The following PCDH9 variants were observed in gnomAD, a reference collection of about 807,000 sequenced individuals.
PCDH9 encodes the protein protocadherin-9.
A neutral mutation model predicts 70.6 loss-of-function variants in PCDH9; 24 were observed. The observed-to-expected ratio is 0.34, with a 90% confidence interval of 0.25 to 0.48. PCDH9 has a LOEUF of 0.48. Among genes scored for constraint, PCDH9 ranks in the 20% least tolerant of loss-of-function variants. The pLI, the probability that PCDH9 is intolerant of heterozygous loss-of-function variation, is 0.99. For missense variants in PCDH9, 1,281 were observed against 1,503.6 expected (o/e 0.85, Z 2.45); for synonymous variants, 562 against 558.5 (o/e 1.01, Z -0.09).
At chr13:66,812,104 T>C (rs1317574391) in intron 3 of PCDH9, among the ~76,000 whole-genome samples, 1 of 151,832 alleles carries the variant, frequency 6.6e-6, no homozygotes, top group Admixed American at 6.6e-5. Flanking sequence ...CCAAAGTCCA[T>C]TGTATAATTC....
At chr13:67,093,743 G>T (rs1012308567) in intron 2 of PCDH9, among the ~76,000 whole-genome samples, 2 of 152,142 alleles carry the variant, frequency 1.3e-5, no homozygotes, top group Non-Finnish European at 2.9e-5. Context: ...GGGGCTGTCA[G>T]CCATTTGGAC....
chr13:66,807,731 AAT>A (rs1347777422), intron 3 of PCDH9, among the ~76,000 whole-genome samples: 2 of 152,232 alleles, frequency 1.3e-5, no homozygotes, highest in Non-Finnish European at 2.9e-5. Context: ...TTCTGTTAAT[AAT>A]ATATGTCAGG....
At chr13:66,396,037 G>GT (rs1241847237) in intron 4 of PCDH9, among the ~76,000 whole-genome samples, 1 of 152,102 alleles carries the variant, frequency 6.6e-6, no homozygotes, top group Non-Finnish European at 1.5e-5. Flanking sequence ...AACAAAAAGA[G>GT]TTAGAGAAAG....
chr13:66,902,910 A>G (rs529391022), intron 3 of PCDH9, among the ~76,000 whole-genome samples: 2 of 151,946 alleles, frequency 1.3e-5, no homozygotes, highest in South Asian at 2.1e-4. Context: ...AAGAATAAGA[A>G]AAGAACAACT....
chr13:66,813,135 A>G (rs1477142075), intron 3 of PCDH9, among the ~76,000 whole-genome samples: 1 of 152,142 alleles, frequency 6.6e-6, no homozygotes, highest in Non-Finnish European at 1.5e-5. Flanking sequence ...CTGACTGTTC[A>G]CCAGTACCAA....
intron 3 of PCDH9, among the ~76,000 whole-genome samples, chr13:66,748,715 G>A (rs769501868): frequency 5.9e-5 from 9 of 152,072 alleles, no homozygotes; most frequent in Non-Finnish European, 1.0e-4. Flanking sequence ...TATAATCATC[G>A]TTATCACAGC....
chr13:66,458,368 T>A (rs1313936164), intron 4 of PCDH9, among the ~76,000 whole-genome samples: 1 of 152,074 alleles, frequency 6.6e-6, no homozygotes, highest in African/African-American at 2.4e-5. Flanking sequence ...GAATATTTTA[T>A]TTTTTTAACA....
At chr13:66,311,783 A>G (rs1955566337) in intron 4 of PCDH9, among the ~76,000 whole-genome samples, 1 of 152,138 alleles carries the variant, frequency 6.6e-6, no homozygotes, top group African/African-American at 2.4e-5. Context: ...ACAATAATAA[A>G]TAGATGTTTA....
chr13:67,194,480 A>C (rs981640139), intron 2 of PCDH9, among the ~76,000 whole-genome samples: 2 of 152,070 alleles, frequency 1.3e-5, no homozygotes, highest in African/African-American at 2.4e-5. Context: ...ATATTTGTTC[A>C]GAGAATAAAA....
At chr13:66,447,186 T>C (rs983583264) in intron 4 of PCDH9, among the ~76,000 whole-genome samples, 4 of 152,050 alleles carry the variant, frequency 2.6e-5, no homozygotes, top group Non-Finnish European at 4.4e-5. Flanking sequence ...CGATAAAAAA[T>C]GTTGAAAAGC....
At chr13:67,189,887 T>C (rs192593112) in intron 2 of PCDH9, among the ~76,000 whole-genome samples, 1 of 152,132 alleles carries the variant, frequency 6.6e-6, no homozygotes, top group East Asian at 1.9e-4. Flanking sequence ...AAAAATGTAA[T>C]GTTTTAATTT....
intron 3 of PCDH9, among the ~76,000 whole-genome samples, chr13:66,748,819 C>T (rs1422996064): frequency 6.6e-6 from 1 of 152,158 alleles, no homozygotes; most frequent in Non-Finnish European, 1.5e-5. Context: ...TTCAACATCT[C>T]TAATGTGGTT....
At chr13:66,375,436 A>C (rs1034170492) in intron 4 of PCDH9, among the ~76,000 whole-genome samples, 1 of 152,086 alleles carries the variant, frequency 6.6e-6, no homozygotes, top group African/African-American at 2.4e-5. Context: ...AAGAAAAAAA[A>C]ACTTGTAGTA....
At chr13:66,520,421 T>G (rs1263600082) in intron 4 of PCDH9, among the ~76,000 whole-genome samples, 1 of 152,188 alleles carries the variant, frequency 6.6e-6, no homozygotes, top group East Asian at 1.9e-4. Context: ...GAGATAAGAT[T>G]GGGTGGGAAG....
intron 4 of PCDH9, among the ~76,000 whole-genome samples, chr13:66,586,050 T>C (rs991208425): frequency 5.3e-5 from 8 of 152,194 alleles, no homozygotes; most frequent in South Asian, 2.1e-4. Context: ...TTAAAAGTTC[T>C]AGCTATGAGA....
intron 4 of PCDH9, among the ~76,000 whole-genome samples, chr13:66,391,773 T>C (rs1957022170): frequency 6.6e-6 from 1 of 151,836 alleles, no homozygotes; most frequent in Admixed American, 6.6e-5. Flanking sequence ...GTGATACATG[T>C]CATCCAATAT....
At chr13:67,214,495 G>C (rs1424173538) in intron 2 of PCDH9, 1 of 152,110 alleles carries the variant, frequency 6.6e-6, no homozygotes, top group Non-Finnish European at 1.5e-5. Context: ...CAGATGGGTG[G>C]AGCTTCTGGG....
chr13:67,215,516 T>C (rs1237108561), intron 2 of PCDH9: 1 of 151,970 alleles, frequency 6.6e-6, no homozygotes. Flanking sequence ...AAATAAAAGG[T>C]TGGGGTGAAG....
At chr13:66,643,657 G>A (rs2077736337) in intron 3 of PCDH9, among the ~76,000 whole-genome samples, 1 of 152,010 alleles carries the variant, frequency 6.6e-6, no homozygotes, top group Non-Finnish European at 1.5e-5. Context: ...GTAAGTTTAG[G>A]TAGCTTCTGT....
Sources: gnomAD v4.1 joint callset for allele counts (sites outside exome capture counted in the v4.1 genomes callset) on GRCh38, gnomAD v4.1.1 for gene constraint, MANE v1.5 for transcripts, NCBI Gene and HGNC (gene_info 2026-07-23, HGNC 2026-07-21) for gene names.